The following CTNNA3 variants were observed in gnomAD, a reference collection of about 807,000 sequenced individuals.
CTNNA3 encodes the protein catenin alpha 3.
A neutral mutation model predicts 95.7 loss-of-function variants in CTNNA3; 76 were observed. The observed-to-expected ratio is 0.79, with a 90% CI of 0.66 to 0.96. CTNNA3 has a LOEUF of 0.96. CTNNA3 is among the 40% of genes least tolerant of loss of function. The probability of loss-of-function intolerance (pLI) is 0.00; values close to 1 mark genes in which losing one functional copy is unlikely to be tolerated. For missense variants in CTNNA3, 1,191 were observed against 1,089.8 expected, an observed-to-expected ratio of 1.09 and a Z score of -1.31; for synonymous variants, 431 against 374.4, an observed-to-expected ratio of 1.15 and a Z score of -1.74.
intron 1 of CTNNA3, among the ~76,000 whole-genome samples, chr10:67,668,349 C>T (rs928127195): frequency 6.6e-6 from 1 of 152,118 alleles, no homozygotes; most frequent in African/African-American, 2.4e-5. Context: ...ATAGTCCCCC[C>T]TTATAGACAA....
chr10:67,300,443 A>ATAT (rs747753921), intron 5 of CTNNA3, among the ~76,000 whole-genome samples: 12 of 152,158 alleles, frequency 7.9e-5, no homozygotes, highest in Admixed American at 4.6e-4. Flanking sequence ...TCACCAATGC[A>ATAT]TATTATAGTG....
chr10:67,499,490 T>C (rs772994499), intron 5 of CTNNA3, among the ~76,000 whole-genome samples: 2 of 152,172 alleles, frequency 1.3e-5, no homozygotes, highest in African/African-American at 2.4e-5. Context: ...TTGTTTGGAA[T>C]AGTTTCAGAA....
intron 13 of CTNNA3, among the ~76,000 whole-genome samples, chr10:66,239,186 A>G (rs1171663641): frequency 6.6e-6 from 1 of 150,786 alleles, no homozygotes; most frequent in Non-Finnish European, 1.5e-5. Context: ...TTTTATAATT[A>G]ATTGATTAAG....
chr10:67,688,095 C>G (rs1335304746), intron 1 of CTNNA3, among the ~76,000 whole-genome samples: 1 of 152,172 alleles, frequency 6.6e-6, no homozygotes, highest in East Asian at 1.9e-4. Context: ...GATATCTCTC[C>G]AAGTGAGGTC....
At chr10:66,362,271 T>C (rs537513400) in intron 12 of CTNNA3, among the ~76,000 whole-genome samples, 9 of 151,818 alleles carry the variant, frequency 5.9e-5, no homozygotes, top group African/African-American at 2.2e-4. Context: ...CCTGGCTAAA[T>C]TGTTGTATTT....
intron 11 of CTNNA3, among the ~76,000 whole-genome samples, chr10:66,461,598 G>A (rs1437252242): frequency 4.7e-5 from 7 of 150,296 alleles, no homozygotes; most frequent in South Asian, 2.1e-4. Context: ...ATTAGGTGTC[G>A]GTGCTTATAA....
At chr10:66,735,700 T>C (rs1348656918) in intron 9 of CTNNA3, among the ~76,000 whole-genome samples, 2 of 152,068 alleles carry the variant, frequency 1.3e-5, no homozygotes, top group African/African-American at 4.8e-5. Flanking sequence ...TCTCCATCAT[T>C]GTCTTTCCTC....
At chr10:66,779,399 C>T (rs1324398165) in intron 7 of CTNNA3, among the ~76,000 whole-genome samples, 5 of 151,886 alleles carry the variant, frequency 3.3e-5, no homozygotes, top group African/African-American at 1.2e-4. Flanking sequence ...TTCTGTTGCC[C>T]AGGCTAGAGT....
At chr10:67,109,611 G>A (rs552617419) in intron 7 of CTNNA3, among the ~76,000 whole-genome samples, 2 of 152,280 alleles carry the variant, frequency 1.3e-5, no homozygotes, top group African/African-American at 4.8e-5. Flanking sequence ...TTGGGAGGCC[G>A]AGGTGTGTGG....
chr10:65,923,777 G>T (rs2077124769), intron 17 of CTNNA3, among the ~76,000 whole-genome samples: 1 of 152,090 alleles, frequency 6.6e-6, no homozygotes, highest in Non-Finnish European at 1.5e-5. Flanking sequence ...TGAAAGGGGA[G>T]AAATCAATGC....
chr10:66,171,478 G>A lies in CTNNA3; in HGVS notation c.1885-68229C>T, dbSNP rs924996961. On this transcript the variant is annotated intron_variant, in intron 13 of 17. Coordinates refer to ENST00000433211, the MANE Select transcript of CTNNA3 (RefSeq NM_013266.4). ...GGAGAATTGCTTGAATCTGGGAGGC[G>A]GAAGTTGCAGTGAGCAGAGATCGCG... Among the ~76,000 whole-genome samples the A allele has an allele frequency of 4.0e-5, 6 of 150,614 alleles. No individual in the cohort carries two copies. The South Asian group carries it at 8.5e-4, about 21-fold the overall frequency.
intron 17 of CTNNA3, among the ~76,000 whole-genome samples, chr10:65,965,621 T>A (rs1193602894): frequency 6.6e-6 from 1 of 151,990 alleles, no homozygotes; most frequent in Admixed American, 6.6e-5. Context: ...GCCAGGTTGG[T>A]CTTGAACTCC....
At chr10:67,562,860 G>A (rs1406767242) in intron 3 of CTNNA3, among the ~76,000 whole-genome samples, 1 of 152,024 alleles carries the variant, frequency 6.6e-6, no homozygotes, top group East Asian at 1.9e-4. Flanking sequence ...CAAACAGAGA[G>A]CCAAATCATG....
At chr10:67,536,530 C>A (rs1840491517) in intron 4 of CTNNA3, among the ~76,000 whole-genome samples, 2 of 152,132 alleles carry the variant, frequency 1.3e-5, no homozygotes, top group South Asian at 4.1e-4. Context: ...AGTTTCTCCA[C>A]TATGATTCTT....
At chr10:66,566,746 T>C (rs1033417449) in intron 10 of CTNNA3, among the ~76,000 whole-genome samples, 2 of 151,958 alleles carry the variant, frequency 1.3e-5, no homozygotes, top group Admixed American at 1.3e-4. Context: ...TCCAAAAATG[T>C]CAAAAGAGAA....
intron 9 of CTNNA3, among the ~76,000 whole-genome samples, chr10:66,703,676 T>C (rs1313007968): frequency 2.0e-5 from 3 of 152,170 alleles, no homozygotes; most frequent in African/African-American, 2.4e-5. Flanking sequence ...AGCTTTTGCT[T>C]TTCAGAACAA....
intron 9 of CTNNA3, among the ~76,000 whole-genome samples, chr10:66,635,264 AT>A (rs1845295845): frequency 1.3e-5 from 2 of 152,144 alleles, no homozygotes; most frequent in East Asian, 3.9e-4. Flanking sequence ...TAAACTATAA[AT>A]TAAAGACAGG....
intron 17 of CTNNA3, among the ~76,000 whole-genome samples, chr10:65,942,828 C>A (rs1467902353): frequency 6.6e-6 from 1 of 152,098 alleles, no homozygotes; most frequent in Non-Finnish European, 1.5e-5. Context: ...AGATTTAAAT[C>A]TGGATTCCAC....
chr10:66,904,703 C>A (rs1350618127), intron 7 of CTNNA3, among the ~76,000 whole-genome samples: 1 of 152,108 alleles, frequency 6.6e-6, no homozygotes, highest in Non-Finnish European at 1.5e-5. Flanking sequence ...AAAAAGTGGG[C>A]AAAGGATATG....
Sources: allele counts gnomAD v4.1 joint callset (sites outside exome capture counted in the v4.1 genomes callset), GRCh38; gene constraint gnomAD v4.1.1; transcripts MANE v1.5; gene names NCBI Gene and HGNC (gene_info 2026-07-23, HGNC 2026-07-21).